ATP8A1: variants seen among roughly 807,000 people sequenced by gnomAD.
The protein encoded by ATP8A1 is phospholipid-transporting ATPase IA.
ATP8A1 carries 90 observed loss-of-function variants against 177.7 expected under a neutral mutation model. The ratio of observed to expected loss-of-function variants is 0.51; its 90% confidence interval spans 0.43 to 0.60. The LOEUF (loss-of-function observed/expected upper bound fraction) is 0.60, where lower values mean the gene tolerates loss of function less well. Ranked by LOEUF, ATP8A1 falls within the 20% of genes least tolerant of loss-of-function variation. The pLI, the probability that ATP8A1 is intolerant of heterozygous loss-of-function variation, is 0.00. For synonymous variants in ATP8A1, 493 were observed against 485.9 expected (o/e 1.01, Z -0.19); for missense variants, 1,072 against 1,392.8 (o/e 0.77, Z 3.67).
At chr4:42,589,746 G>C (rs1389883325) in intron 7 of ATP8A1, among the ~76,000 whole-genome samples, 1 of 151,938 alleles carries the variant, frequency 6.6e-6, no homozygotes, top group African/African-American at 2.4e-5. Context: ...CATAGTTTAT[G>C]AATTTATAAA....
intron 5 of ATP8A1, among the ~76,000 whole-genome samples, chr4:42,608,988 T>C (rs1398355530): frequency 6.6e-6 from 1 of 152,236 alleles, no homozygotes; most frequent in Non-Finnish European, 1.5e-5. Flanking sequence ...TAAGCTTGCC[T>C]ATAAAGGTTA....
At chr4:42,438,342 C>T (rs1460617924) in intron 33 of ATP8A1, among the ~76,000 whole-genome samples, 1 of 152,138 alleles carries the variant, frequency 6.6e-6, no homozygotes, top group Non-Finnish European at 1.5e-5. Context: ...CAGTGACTGG[C>T]CCTTCATCAA....
intron 1 of ATP8A1, chr4:42,637,301 G>T (rs943034113): frequency 6.2e-5 from 30 of 484,528 alleles, no homozygotes; most frequent in Middle Eastern, 6.8e-4. Flanking sequence ...CCCTAAACAA[G>T]CTCTGAGTCC....
Position 42,628,035 on chromosome 4 carries a change from T to C in ATP8A1, c.50-926A>G, listed in dbSNP as rs550903877. Among the ~76,000 whole-genome samples, 257 of 152,272 alleles carry C rather than the reference T, an allele frequency of 1.7e-3. 1 individual carries two copies. The highest frequency in any genetic ancestry group is 0.014 in the Middle Eastern group (4 of 294). On this transcript the variant is annotated intron_variant, in intron 1 of 36. Transcript: ENST00000381668. Reference sequence around the variant, plus strand: ...CTTACCAGAAGGTTTTGTTGCTGCCTGAGTCAGGTTCCCCCTACCAGAATG... The same window carrying C: ...CTTACCAGAAGGTTTTGTTGCTGCCCGAGTCAGGTTCCCCCTACCAGAATG...
At chr4:42,447,371 CGG>C (rs1717395243) in intron 30 of ATP8A1, among the ~76,000 whole-genome samples, 3 of 151,794 alleles carry the variant, frequency 2.0e-5, no homozygotes, top group Admixed American at 2.0e-4. Flanking sequence ...TTAGTAGAGA[CGG>C]GGTTTCACCA....
chr4:42,446,759 C>A, intron 30 of ATP8A1, 115 bp from the exon 31 acceptor site: 1 of 830,512 alleles, frequency 1.2e-6, no homozygotes, highest in Non-Finnish European at 1.8e-6. Flanking sequence ...CACAATGGAG[C>A]CAGAAATGAG....
At chr4:42,513,582 T>C (rs1161909715) in intron 22 of ATP8A1, among the ~76,000 whole-genome samples, 2 of 152,162 alleles carry the variant, frequency 1.3e-5, no homozygotes, top group East Asian at 3.9e-4. Flanking sequence ...CAAAGACAGA[T>C]GTGTGAAAAG....
chr4:42,640,275 T>C (rs564165333), intron 1 of ATP8A1, among the ~76,000 whole-genome samples: 61 of 152,238 alleles, frequency 4.0e-4, no homozygotes, highest in Non-Finnish European at 8.2e-4. Flanking sequence ...GAGAATTCAG[T>C]TAAACATGGA....
At chr4:42,628,759 T>C (rs911423441) in intron 1 of ATP8A1, among the ~76,000 whole-genome samples, 1 of 152,174 alleles carries the variant, frequency 6.6e-6, no homozygotes, top group African/African-American at 2.4e-5. Flanking sequence ...TATTAGGTCT[T>C]CCTTCGTGGT....
chr4:42,471,613 A>G (rs10517028), intron 25 of ATP8A1, among the ~76,000 whole-genome samples: 55,819 of 152,124 alleles, frequency 0.37, 10,453 homozygotes, highest in East Asian at 0.58. Context: ...AAGGCACTAA[A>G]AAGAGAACTC....
intron 25 of ATP8A1, among the ~76,000 whole-genome samples, chr4:42,483,051 G>A (rs905822807): frequency 2.6e-5 from 4 of 152,150 alleles, no homozygotes; most frequent in South Asian, 2.1e-4. Flanking sequence ...TCTGAGAAAC[G>A]AGGAGTGACA....
chr4:42,415,212 T>C (rs1713098252), intron 35 of ATP8A1: 2 of 152,582 alleles, frequency 1.3e-5, no homozygotes, highest in African/African-American at 2.4e-5. Context: ...TTAACTAACA[T>C]TACACAAAGA....
chr4:42,555,191 T>TA (rs1459586412), intron 16 of ATP8A1, among the ~76,000 whole-genome samples: 1 of 129,388 alleles, frequency 7.7e-6, no homozygotes, highest in Non-Finnish European at 1.7e-5. Context: ...TCTATCTATC[T>TA]ATCTATCCTA....
chr4:42,611,565 T>C (rs1484388397), intron 5 of ATP8A1, among the ~76,000 whole-genome samples: 1 of 151,964 alleles, frequency 6.6e-6, no homozygotes, highest in Non-Finnish European at 1.5e-5. Context: ...TTAGGAAGCA[T>C]TTACAAATTT....
intron 1 of ATP8A1, 122 bp downstream of exon 1, chr4:42,656,703 C>T: frequency 8.2e-7 from 1 of 1,226,716 alleles, no homozygotes; most frequent in Non-Finnish European, 1.1e-6. Context: ...GGGCCGGGCG[C>T]GACAGTCGGA....
Position 42,422,918 on chromosome 4 carries a change from A to G in ATP8A1, c.3213-19T>C. 1.3e-6 allele frequency: 2 copies of G among 1,579,242 alleles called. No homozygotes were observed. Among genetic ancestry groups the G allele is most frequent in the Non-Finnish European group, 1.7e-6 (2 of 1,160,778 alleles). ...CTTGATACTGCAAAAAGAAAAAAAAAGGGATTTGCATGGAAATACTTCTGT... is the reference window on the plus strand; with the variant it reads ...CTTGATACTGCAAAAAGAAAAAAAAGGGGATTTGCATGGAAATACTTCTGT... On this transcript the variant is annotated intron_variant, in intron 34 of 36. Transcript: ENST00000381668.
At chr4:42,573,415 T>C (rs1732100831) in intron 14 of ATP8A1, among the ~76,000 whole-genome samples, 1 of 152,144 alleles carries the variant, frequency 6.6e-6, no homozygotes, top group Non-Finnish European at 1.5e-5. Flanking sequence ...CCTGCTCCAG[T>C]AGCAATTTGT....
intron 6 of ATP8A1, among the ~76,000 whole-genome samples, chr4:42,593,321 G>C (rs1734377878): frequency 6.6e-6 from 1 of 152,052 alleles, no homozygotes; most frequent in Non-Finnish European, 1.5e-5. Flanking sequence ...AGGAAACTAA[G>C]AACAGAGGGG....
Position 42,409,394 on chromosome 4 carries a change from GT to G in ATP8A1, c.*3521del, listed in dbSNP as rs1488639398. On this transcript the variant is annotated 3_prime_UTR_variant, in exon 37 of 37. Transcript: ENST00000381668. The stretch of plus-strand genomic sequence containing the variant: ...CACAAGTGACTTCAGTTATTTTAAT[GT>G]GAGAAAAATCAGACTATGGTATCTT... 1 of 152,094 alleles carries G rather than the reference GT, an allele frequency of 6.6e-6. No homozygotes were observed. Among genetic ancestry groups the G allele is most frequent in the African/African-American group, 2.4e-5 (1 of 41,434 alleles). 9.4% of individuals were successfully genotyped at this position (152,094 alleles called of 1,614,324 possible).
Sources: allele counts gnomAD v4.1 joint callset (sites outside exome capture counted in the v4.1 genomes callset), GRCh38; gene constraint gnomAD v4.1.1; transcripts MANE v1.5; gene names NCBI Gene and HGNC (gene_info 2026-07-23, HGNC 2026-07-21).